Variants in ZDHHC20 observed in about 807,000 individuals in gnomAD.
The protein encoded by ZDHHC20 is palmitoyltransferase ZDHHC20.
A neutral mutation model predicts 57.8 loss-of-function variants in ZDHHC20; 43 were observed. The observed-to-expected ratio is 0.74, with a 90% CI of 0.58 to 0.96. The LOEUF is 0.96. Among genes scored for constraint, ZDHHC20 ranks in the 40% least tolerant of loss-of-function variants. The pLI, the probability that ZDHHC20 is intolerant of heterozygous loss-of-function variation, is 0.00. For synonymous variants in ZDHHC20, 157 were observed against 153.0 expected (o/e 1.03, Z -0.19); for missense variants, 391 against 441.1 (o/e 0.89, Z 1.02).
chr13:21,416,663 A>G (rs1405202813), intron 3 of ZDHHC20, among the ~76,000 whole-genome samples: 2 of 152,348 alleles, frequency 1.3e-5, no homozygotes, highest in African/African-American at 2.4e-5. Context: ...GGAGATATCA[A>G]TGAAAGTTTC....
chr13:21,413,346 A>C (rs1407871032), intron 4 of ZDHHC20, among the ~76,000 whole-genome samples: 1 of 152,142 alleles, frequency 6.6e-6, no homozygotes, highest in Non-Finnish European at 1.5e-5. Context: ...CAGACTTCCA[A>C]ATGACAGTTT....
intron 1 of ZDHHC20, among the ~76,000 whole-genome samples, chr13:21,453,354 A>G (rs9509731): frequency 0.17 from 25,838 of 152,228 alleles, 2,701 homozygotes; most frequent in Non-Finnish European, 0.25. Context: ...AATAAATCAC[A>G]ATTATAGTTA....
intron 1 of ZDHHC20, among the ~76,000 whole-genome samples, chr13:21,433,880 T>C (rs1027794081): frequency 1.5e-4 from 23 of 152,386 alleles, no homozygotes; most frequent in Admixed American, 5.2e-4. Flanking sequence ...ATGTTTTTGA[T>C]GCTATTATAA....
In ZDHHC20 at chr13:21,373,625, G is replaced by A. The variant is rs753395948; in HGVS notation, c.*3071C>T. ...CCAGGTAAACCAAGTCTCCTAATTT[G>A]TCTGTAATGGCAATGGCAAGACCTG... On this transcript the variant is annotated 3_prime_UTR_variant, in exon 13 of 13. Coordinates refer to ENST00000400590, the MANE Select transcript of ZDHHC20 (RefSeq NM_001330059.2). The A allele has an allele frequency of 4.6e-5, 7 of 152,186 alleles. No individual in the cohort carries two copies. The allele number at this position is 152,186 out of a possible 1,614,324, so 9.4% of individuals were successfully genotyped here.
intron 1 of ZDHHC20, among the ~76,000 whole-genome samples, chr13:21,436,298 G>C (rs1462089855): frequency 6.6e-6 from 1 of 152,192 alleles, no homozygotes; most frequent in Non-Finnish European, 1.5e-5. Context: ...CATTCTTGCT[G>C]AAAATACATA....
intron 4 of ZDHHC20, among the ~76,000 whole-genome samples, chr13:21,406,781 T>C (rs1003118229): frequency 2.0e-5 from 3 of 152,186 alleles, no homozygotes; most frequent in Admixed American, 2.0e-4. Context: ...ATCCAGTCTA[T>C]CACTGATGGG....
chr13:21,452,076 ATCT>A (rs1208916614), intron 1 of ZDHHC20, among the ~76,000 whole-genome samples: 1 of 151,816 alleles, frequency 6.6e-6, no homozygotes, highest in East Asian at 1.9e-4. Context: ...TTTTATGCTA[ATCT>A]TCTCTGTACT....
In ZDHHC20 at chr13:21,413,275, T is replaced by C. The variant is rs1219808290; in HGVS notation, c.370+377A>G. Among the ~76,000 whole-genome samples the C allele has an allele frequency of 3.9e-5, 6 of 152,132 alleles. No homozygotes were observed. The East Asian group carries it at 9.6e-4, about 24-fold the overall frequency. On this transcript the variant is annotated intron_variant, in intron 4 of 12. Transcript: ENST00000400590. ...TATTTGTGTCTCTTACTGTTCCCCA[T>C]TCTTAGCACACTTTTGGATTTTTTT...
Position 21,459,119 on chromosome 13 carries a change from G to A in ZDHHC20, c.53C>T (p.Pro18Leu), listed in dbSNP as rs1371124242. The A allele has an allele frequency of 6.2e-7, 1 of 1,607,528 alleles. No homozygotes were observed. ...GACCACGAAGGTGATGAAGAGCACCGGCACCCAGCCCACGACGCGCTGGCA... is the reference window on the plus strand; with the variant it reads ...GACCACGAAGGTGATGAAGAGCACCAGCACCCAGCCCACGACGCGCTGGCA... Reference protein sequence around the residue: ...RCCQRVVGWVPVLFITFVVVW... With the variant: ...RCCQRVVGWVLVLFITFVVVW... Residue 18 changes from proline (P) to leucine (L), a missense_variant, in exon 1 of 13, where the codon CCG (proline) becomes CTG (leucine). Pro to Leu is a moderately conservative substitution (Grantham distance 98, BLOSUM62 -3). Transcript: ENST00000400590.
intron 12 of ZDHHC20, 51 bp from the exon 13 acceptor site, chr13:21,376,706 A>G: frequency 3.2e-6 from 4 of 1,243,868 alleles, no homozygotes; most frequent in Non-Finnish European, 4.4e-6. Flanking sequence ...TTTATTTCTG[A>G]AAATATTTAC....
At chr13:21,402,084 C>T (rs922749867) in intron 5 of ZDHHC20, among the ~76,000 whole-genome samples, 3 of 152,012 alleles carry the variant, frequency 2.0e-5, no homozygotes, top group African/African-American at 7.3e-5. Context: ...AAACAAAATT[C>T]AGATCTGGTA....
At chr13:21,401,782 C>T in intron 5 of ZDHHC20, 97 bp from the exon 6 acceptor site, 1 of 1,103,176 alleles carries the variant, frequency 9.1e-7, no homozygotes, top group Non-Finnish European at 1.3e-6. Flanking sequence ...ATTCCCTTTA[C>T]AACTACATCT....
At position 21,455,141 on chromosome 13, in the gene ZDHHC20, G is replaced by C. The variant is rs1008010424; in HGVS notation, c.118+3913C>G. On this transcript the variant is annotated intron_variant, in intron 1 of 12. Coordinates refer to ENST00000400590, the MANE Select transcript of ZDHHC20 (RefSeq NM_001330059.2). Reference sequence around the variant, plus strand: ...TCACCGTGTTAGCCAGGATGGTTTCGATCTCCTGACCTCGTGATCCGCCTG... The same window carrying C: ...TCACCGTGTTAGCCAGGATGGTTTCCATCTCCTGACCTCGTGATCCGCCTG... Among the ~76,000 whole-genome samples the C allele has an allele frequency of 2.0e-5, 3 of 152,124 alleles. No individual in the cohort carries two copies. The South Asian group carries it at 6.2e-4, about 32-fold the overall frequency.
At chr13:21,429,826 C>T (rs1215126944) in intron 1 of ZDHHC20, among the ~76,000 whole-genome samples, 2 of 152,038 alleles carry the variant, frequency 1.3e-5, no homozygotes, top group Non-Finnish European at 2.9e-5. Context: ...TGGGTAATTT[C>T]TAATGTTTTA....
intron 5 of ZDHHC20, among the ~76,000 whole-genome samples, chr13:21,402,539 C>A (rs1877836764): frequency 6.6e-6 from 1 of 152,188 alleles, no homozygotes; most frequent in South Asian, 2.1e-4. Flanking sequence ...CAAAGACTTA[C>A]ATTAAGCACA....
At chr13:21,449,861 A>C (rs1296968649) in intron 1 of ZDHHC20, among the ~76,000 whole-genome samples, 1 of 151,938 alleles carries the variant, frequency 6.6e-6, no homozygotes, top group African/African-American at 2.4e-5. Flanking sequence ...CGAACTCCTG[A>C]CCTCAGGTGA....
At position 21,374,848 on chromosome 13, in the gene ZDHHC20, C is replaced by T. The variant is rs1233372104; in HGVS notation, c.*1848G>A. The stretch of plus-strand genomic sequence containing the variant: ...TACAGAAGGTACTCCAAAAAATTTA[C>T]CGGGGCGGGGCGTGGTGGCTCACGC... On this transcript the variant is annotated 3_prime_UTR_variant, in exon 13 of 13. Transcript: ENST00000400590. 6.9e-6 allele frequency: 2 copies of T among 291,872 alleles called. No homozygotes were observed. Among genetic ancestry groups the T allele is most frequent in the Non-Finnish European group, 1.3e-5 (2 of 150,262 alleles). The allele number at this position is 291,872 out of a possible 1,614,324, so 18.1% of individuals were successfully genotyped here.
At chr13:21,390,308 A>G (rs1215773690) in intron 8 of ZDHHC20, 3 of 152,230 alleles carry the variant, frequency 2.0e-5, no homozygotes, top group Admixed American at 6.5e-5. Context: ...GAATATTTCA[A>G]TGATAACATA....
At chr13:21,420,211 T>C (rs1352451579) in intron 3 of ZDHHC20, among the ~76,000 whole-genome samples, 1 of 152,146 alleles carries the variant, frequency 6.6e-6, no homozygotes, top group African/African-American at 2.4e-5. Flanking sequence ...CGCTTGAACC[T>C]GGGAGGCGGA....
Sources: gnomAD v4.1 joint callset for allele counts (sites outside exome capture counted in the v4.1 genomes callset) on GRCh38, gnomAD v4.1.1 for gene constraint, MANE v1.5 for transcripts, NCBI Gene and HGNC (gene_info 2026-07-23, HGNC 2026-07-21) for gene names.